The following ZEB2 variants were observed in gnomAD, a reference collection of about 807,000 sequenced individuals.
The protein encoded by ZEB2 is zinc finger E-box-binding homeobox 2.
A neutral mutation model predicts 99.9 loss-of-function variants in ZEB2; 6 were observed. The observed-to-expected ratio is 0.06, with a 90% CI of 0.03 to 0.12. The LOEUF is 0.12. Ranked by LOEUF, ZEB2 falls within the 10% of genes least tolerant of loss-of-function variation. The pLI, the probability that ZEB2 is intolerant of heterozygous loss-of-function variation, is 1.00. For missense variants in ZEB2, 969 were observed against 1,502.8 expected (o/e 0.64, Z 5.87); for synonymous variants, 517 against 542.5 (o/e 0.95, Z 0.65).
rs1411446439 is a variant in ZEB2 at position 144,385,993 on chromosome 2, T to C, written c.*3458A>G. ...TTTAGCTCTTGCGGAGAAATTCTGA[T>C]ACGCATCTCTCTTCCCAGTTATTTC... On this transcript the variant is annotated 3_prime_UTR_variant, in exon 10 of 10. Coordinates refer to ENST00000627532, the MANE Select transcript of ZEB2 (RefSeq NM_014795.4). 3 of 152,202 alleles carry C rather than the reference T, an allele frequency of 2.0e-5. No individual in the cohort carries two copies. The highest frequency in any genetic ancestry group is 2.4e-5 in the African/African-American group (1 of 41,446). The allele number at this position is 152,202 out of a possible 1,614,324, so 9.4% of individuals were successfully genotyped here. A position where few individuals can be genotyped will look rare whatever the true frequency, so the allele number is the denominator to read the frequency against.
intron 3 of ZEB2, among the ~76,000 whole-genome samples, chr2:144,425,374 G>C (rs1703678548): frequency 6.6e-6 from 1 of 152,144 alleles, no homozygotes; most frequent in Non-Finnish European, 1.5e-5. Flanking sequence ...TCAAAACTTG[G>C]AATGCCCAGT....
intron 4 of ZEB2, among the ~76,000 whole-genome samples, chr2:144,420,735 A>T (rs1703608666): frequency 6.6e-6 from 1 of 152,126 alleles, no homozygotes; most frequent in South Asian, 2.1e-4. Flanking sequence ...AATTTGGATG[A>T]CTGGAAGAAA....
At chr2:144,453,178 C>T (rs1395731493) in intron 2 of ZEB2, among the ~76,000 whole-genome samples, 1 of 152,200 alleles carries the variant, frequency 6.6e-6, no homozygotes, top group East Asian at 1.9e-4. Flanking sequence ...ACGCATACAA[C>T]ACAGCTTAGC....
intron 2 of ZEB2, chr2:144,461,065 AAAGT>A (rs1034124885): frequency 1.1e-4 from 17 of 151,142 alleles, no homozygotes; most frequent in African/African-American, 4.1e-4. Flanking sequence ...CAAAAAATTC[AAAGT>A]AAGTGCTATA....
At chr2:144,478,257 C>T (rs1215810572) in intron 2 of ZEB2, among the ~76,000 whole-genome samples, 1 of 152,208 alleles carries the variant, frequency 6.6e-6, no homozygotes, top group Non-Finnish European at 1.5e-5. Flanking sequence ...TTTAAATCTA[C>T]AAGGACACTT....
At chr2:144,511,522 T>A in intron 2 of ZEB2, 1 of 1,281,932 alleles carries the variant, frequency 7.8e-7, no homozygotes, top group Non-Finnish European at 1.0e-6. Flanking sequence ...CCATGGAGCC[T>A]ACTGATTATT....
intron 2 of ZEB2, chr2:144,450,229 C>CTGA (rs1704038213): frequency 6.6e-6 from 1 of 152,044 alleles, no homozygotes; most frequent in Non-Finnish European, 1.5e-5. Context: ...TGTCATAGCT[C>CTGA]TGATGCAGCG....
intron 2 of ZEB2, among the ~76,000 whole-genome samples, chr2:144,510,708 CTCTCTCTCTT>C (rs1705021280): frequency 1.3e-5 from 2 of 152,070 alleles, no homozygotes; most frequent in African/African-American, 4.8e-5. Flanking sequence ...CTCTCTCTCT[CTCTCTCTCTT>C]TCTCTCTCTC....
At chr2:144,516,752 A>C (rs1388726207) in intron 2 of ZEB2, 2 of 151,458 alleles carry the variant, frequency 1.3e-5, no homozygotes, top group Non-Finnish European at 2.9e-5. Flanking sequence ...TACTTGGCGC[A>C]CCGAGAAGCG....
At chr2:144,403,828 G>A (rs1703345520) in intron 6 of ZEB2, 88 bp downstream of exon 6, 4 of 1,552,286 alleles carry the variant, frequency 2.6e-6, no homozygotes, top group Non-Finnish European at 3.5e-6. Context: ...AAAATGCCAT[G>A]AAAAATTAAT....
intron 2 of ZEB2, among the ~76,000 whole-genome samples, chr2:144,447,385 CAT>C (rs1301352350): frequency 6.6e-6 from 1 of 152,184 alleles, no homozygotes; most frequent in Non-Finnish European, 1.5e-5. Context: ...TGATATTTCT[CAT>C]ATGTCTAACA....
intron 2 of ZEB2, among the ~76,000 whole-genome samples, chr2:144,453,841 A>G (rs1185568542): frequency 1.3e-5 from 2 of 152,226 alleles, no homozygotes; most frequent in African/African-American, 4.8e-5. Flanking sequence ...TTAATAGCTA[A>G]TGAGAGAGAG....
At chr2:144,445,325 G>T (rs1323767677) in intron 2 of ZEB2, among the ~76,000 whole-genome samples, 5 of 145,378 alleles carry the variant, frequency 3.4e-5, no homozygotes, top group African/African-American at 1.3e-4. Flanking sequence ...TGAATGCTTA[G>T]GTACCTGGGG....
At chr2:144,483,485 A>C (rs1279195012) in intron 2 of ZEB2, among the ~76,000 whole-genome samples, 1 of 152,264 alleles carries the variant, frequency 6.6e-6, no homozygotes, top group Non-Finnish European at 1.5e-5. Flanking sequence ...ATTTACAAAA[A>C]TATAACTTTT....
chr2:144,441,202 A>AGAGAGAGT, intron 2 of ZEB2, among the ~76,000 whole-genome samples: 1 of 151,322 alleles, frequency 6.6e-6, no homozygotes, highest in East Asian at 1.9e-4. Flanking sequence ...AGAGAGAGAG[A>AGAGAGAGT]GAGAGAACCT....
chr2:144,506,738 A>G (rs761654930), intron 2 of ZEB2, among the ~76,000 whole-genome samples: 9 of 152,184 alleles, frequency 5.9e-5, no homozygotes, highest in Non-Finnish European at 1.0e-4. Flanking sequence ...ATATAGCACA[A>G]TATTTTAATC....
At chr2:144,443,781 G>A (rs915385419) in intron 2 of ZEB2, among the ~76,000 whole-genome samples, 2 of 151,976 alleles carry the variant, frequency 1.3e-5, no homozygotes, top group African/African-American at 2.4e-5. Context: ...CCTGAGATAA[G>A]GGAAGGTTAA....
chr2:144,507,427 T>C (rs1010467006), intron 2 of ZEB2: 4 of 152,256 alleles, frequency 2.6e-5, no homozygotes, highest in African/African-American at 9.6e-5. Flanking sequence ...TTCTAACCAC[T>C]ACTTCAAATC....
At chr2:144,393,932 A>G (rs1703186796) in intron 9 of ZEB2, among the ~76,000 whole-genome samples, 1 of 152,072 alleles carries the variant, frequency 6.6e-6, no homozygotes. Flanking sequence ...TTATTTATTT[A>G]TTTATTTGAG....
Sources: allele counts gnomAD v4.1 joint callset (sites outside exome capture counted in the v4.1 genomes callset), GRCh38; gene constraint gnomAD v4.1.1; transcripts MANE v1.5; gene names NCBI Gene and HGNC (gene_info 2026-07-23, HGNC 2026-07-21).